CSMD1: variants seen among roughly 807,000 people sequenced by gnomAD.
CSMD1 encodes CUB and Sushi multiple domains 1, also known as CUB and sushi domain-containing protein 1.
In CSMD1, 213 loss-of-function variants were observed where a neutral mutation model predicts 417.5. That is an observed-to-expected ratio of 0.51 (90% CI 0.46 to 0.57). CSMD1 has a LOEUF of 0.57. CSMD1 is among the 20% of genes least tolerant of loss of function. CSMD1 has a pLI of 0.00. For synonymous variants in CSMD1, 2,862 were observed against 1,736.8 expected (o/e 1.65, Z -16.11); for missense variants, 6,923 against 4,529.7 (o/e 1.53, Z -15.17).
At chr8:3,220,262 C>A (rs553529884) in intron 28 of CSMD1, among the ~76,000 whole-genome samples, 1 of 140,846 alleles carries the variant, frequency 7.1e-6, no homozygotes, top group African/African-American at 2.6e-5. Context: ...CTGAATATCC[C>A]AGTTTTTTTT....
At chr8:4,141,656 CA>C (rs33986875) in intron 3 of CSMD1, among the ~76,000 whole-genome samples, 45,175 of 150,652 alleles carry the variant, frequency 0.3, 8,406 homozygotes, top group Non-Finnish European at 0.39. Context: ...TTTAAATCTC[CA>C]GATCTCTAAA....
At chr8:3,283,117 G>A (rs1204078447) in intron 26 of CSMD1, among the ~76,000 whole-genome samples, 2 of 152,130 alleles carry the variant, frequency 1.3e-5, no homozygotes, top group African/African-American at 4.8e-5. Flanking sequence ...TGCAGATGTG[G>A]TTTCACACTA....
At chr8:3,561,594 G>C (rs1010476131) in intron 10 of CSMD1, among the ~76,000 whole-genome samples, 1 of 152,108 alleles carries the variant, frequency 6.6e-6, no homozygotes, top group African/African-American at 2.4e-5. Context: ...AGATAAGGAT[G>C]GCAACAACAG....
At chr8:4,651,775 G>T (rs961735908) in intron 1 of CSMD1, among the ~76,000 whole-genome samples, 1 of 152,134 alleles carries the variant, frequency 6.6e-6, no homozygotes, top group South Asian at 2.1e-4. Flanking sequence ...TATTTAATGG[G>T]CAAGCTGTGT....
rs1243377112 is a variant in CSMD1 at position 3,411,878 on chromosome 8, A to ACATGCACG, written c.1562-2274_1562-2273insCGTGCATG. Among the ~76,000 whole-genome samples the ACATGCACG allele has an allele frequency of 9.7e-4, 111 of 114,104 alleles. 14 individuals carry two copies. The highest frequency in any genetic ancestry group is 1.5e-3 in the Admixed American group (17 of 11,330). 74.9% of individuals were successfully genotyped at this position (114,104 alleles called of 152,430 possible). A position where few individuals can be genotyped will look rare whatever the true frequency, so the allele number is the denominator to read the frequency against. ...TATATGCACGTATATATGCACGTAT[A>ACATGCACG]TATACACGTATATATGCACGTATAT... On this transcript the variant is annotated intron_variant, in intron 12 of 69. Coordinates refer to ENST00000635120, the MANE Select transcript of CSMD1 (RefSeq NM_033225.6).
At chr8:4,464,242 T>C (rs1217662) in intron 2 of CSMD1, among the ~76,000 whole-genome samples, 2 of 151,974 alleles carry the variant, frequency 1.3e-5, no homozygotes, top group African/African-American at 2.4e-5. Context: ...CATTCCCACA[T>C]TAACATCTTC....
chr8:4,283,966 C>A (rs114855670), intron 3 of CSMD1, among the ~76,000 whole-genome samples: 1,994 of 152,290 alleles, frequency 0.013, 51 homozygotes, highest in African/African-American at 0.045. Flanking sequence ...GGGGTGGTGG[C>A]TCACACTTGT....
intron 3 of CSMD1, among the ~76,000 whole-genome samples, chr8:4,394,026 G>C (rs1804038004): frequency 6.6e-6 from 1 of 152,154 alleles, no homozygotes; most frequent in Non-Finnish European, 1.5e-5. Flanking sequence ...TGCCTTCAAA[G>C]AACACCTCAG....
At chr8:4,137,658 T>G (rs1585396897) in intron 3 of CSMD1, among the ~76,000 whole-genome samples, 1 of 131,264 alleles carries the variant, frequency 7.6e-6, no homozygotes, top group African/African-American at 2.5e-5. Flanking sequence ...CAATATAAAT[T>G]CATACTGAAA....
intron 2 of CSMD1, among the ~76,000 whole-genome samples, chr8:4,495,793 C>T (rs1801950850): frequency 6.6e-6 from 1 of 152,076 alleles, no homozygotes; most frequent in African/African-American, 2.4e-5. Flanking sequence ...TTCTTAATAG[C>T]CCATTCTAGC....
chr8:3,749,353 T>C (rs963976370), intron 6 of CSMD1, among the ~76,000 whole-genome samples: 1 of 152,210 alleles, frequency 6.6e-6, no homozygotes, highest in Admixed American at 6.5e-5. Flanking sequence ...TTGTTCACAA[T>C]GTCATTTTAA....
chr8:4,305,403 C>T (rs549195353), intron 3 of CSMD1, among the ~76,000 whole-genome samples: 14 of 152,246 alleles, frequency 9.2e-5, no homozygotes, highest in African/African-American at 3.4e-4. Flanking sequence ...CTGAGGGTTC[C>T]ATCAGCTTAA....
chr8:3,815,523 TATCA>T (rs1801321034), intron 5 of CSMD1, among the ~76,000 whole-genome samples: 1 of 149,876 alleles, frequency 6.7e-6, no homozygotes, highest in Non-Finnish European at 1.5e-5. Flanking sequence ...TTAAACAAGA[TATCA>T]AACAAAATAA....
At chr8:3,794,433 T>C (rs1444387666) in intron 5 of CSMD1, among the ~76,000 whole-genome samples, 1 of 152,172 alleles carries the variant, frequency 6.6e-6, no homozygotes, top group Non-Finnish European at 1.5e-5. Flanking sequence ...TTAAATGTAG[T>C]GATCATAGAA....
intron 1 of CSMD1, among the ~76,000 whole-genome samples, chr8:4,827,792 T>A (rs1247966517): frequency 2.6e-5 from 4 of 152,202 alleles, no homozygotes; most frequent in Admixed American, 6.5e-5. Context: ...AGCTCCTGCT[T>A]AAACCCCTGG....
chr8:3,424,374 A>G (rs270072), intron 12 of CSMD1, among the ~76,000 whole-genome samples: 117,952 of 152,138 alleles, frequency 0.78, 45,875 homozygotes, highest in South Asian at 0.83. Flanking sequence ...TAGTTCGCAC[A>G]TTGCCCAGTT....
chr8:4,475,785 G>C (rs927796280), intron 2 of CSMD1, among the ~76,000 whole-genome samples: 1 of 151,780 alleles, frequency 6.6e-6, no homozygotes, highest in African/African-American at 2.4e-5. Flanking sequence ...GCTAATTTTT[G>C]TATTTTTAGT....
intron 5 of CSMD1, among the ~76,000 whole-genome samples, chr8:3,884,019 T>G (rs1385707247): frequency 6.6e-6 from 1 of 152,176 alleles, no homozygotes; most frequent in Non-Finnish European, 1.5e-5. Flanking sequence ...GCTAAATATT[T>G]TAGTTTTCAT....
intron 12 of CSMD1, among the ~76,000 whole-genome samples, chr8:3,434,207 C>G (rs1233380730): frequency 6.6e-6 from 1 of 152,160 alleles, no homozygotes; most frequent in African/African-American, 2.4e-5. Context: ...CCATTTATGC[C>G]AGCGTCCTTT....
Sources: allele counts gnomAD v4.1 joint callset (sites outside exome capture counted in the v4.1 genomes callset), GRCh38; gene constraint gnomAD v4.1.1; transcripts MANE v1.5; gene names NCBI Gene and HGNC (gene_info 2026-07-23, HGNC 2026-07-21).